Variants in ABCB1 observed in about 807,000 individuals in gnomAD.
The protein encoded by ABCB1 is ATP binding cassette subfamily B member 1, also known as ATP-dependent translocase ABCB1.
Under a neutral mutation model 142.0 loss-of-function variants are expected in ABCB1, and 69 were observed. The observed-to-expected ratio is 0.49, with a 90% CI of 0.40 to 0.59. The LOEUF is 0.59. Ranked by LOEUF, ABCB1 falls within the 20% of genes least tolerant of loss-of-function variation. The probability of loss-of-function intolerance (pLI) is 0.00; values close to 1 mark genes in which losing one functional copy is unlikely to be tolerated. For missense variants in ABCB1, 1,326 were observed against 1,554.7 expected (o/e 0.85, Z 2.47); for synonymous variants, 532 against 539.2 (o/e 0.99, Z 0.18).
At chr7:87,546,493 T>C (rs1307476776) in intron 14 of ABCB1, among the ~76,000 whole-genome samples, 4 of 151,512 alleles carry the variant, frequency 2.6e-5, no homozygotes, top group Non-Finnish European at 5.9e-5. Flanking sequence ...GAGGTGGAGC[T>C]TGCAGTGAGC....
At chr7:87,629,709 C>T (rs2130174486) in intron 1 of ABCB1, among the ~76,000 whole-genome samples, 1 of 151,840 alleles carries the variant, frequency 6.6e-6, no homozygotes, top group African/African-American at 2.4e-5. Flanking sequence ...GGGCGGATCA[C>T]GAGGTCGGAG....
intron 21 of ABCB1, among the ~76,000 whole-genome samples, chr7:87,528,376 A>C (rs935401211): frequency 6.6e-6 from 1 of 152,138 alleles, no homozygotes; most frequent in South Asian, 2.1e-4. Context: ...ACGAGTAACT[A>C]CATATATTTT....
intron 1 of ABCB1, among the ~76,000 whole-genome samples, chr7:87,659,464 C>A (rs1192675405): frequency 6.6e-6 from 1 of 151,872 alleles, no homozygotes; most frequent in East Asian, 1.9e-4. Context: ...AAAATCTTAC[C>A]TTTCTTTATG....
At position 87,515,327 on chromosome 7, in the gene ABCB1, C is replaced by A. The variant is rs1432613672; in HGVS notation, c.3186G>T (p.Lys1062Asn). 1 of 1,614,200 alleles carries A rather than the reference C, an allele frequency of 6.2e-7. No homozygotes were observed. Among genetic ancestry groups the A allele is most frequent in the Admixed American group, 1.7e-5 (1 of 60,034 alleles). The change falls in exon 25 of 28, where the codon AAG becomes AAT. Residue 1062 changes from lysine (K) to asparagine (N), a missense_variant. Lys to Asn is a moderately conservative substitution (Grantham distance 94, BLOSUM62 0). Transcript: ENST00000622132. ...VLQGLSLEVKKGQTLALVGSS... is the reference protein window; with the variant it reads ...VLQGLSLEVKNGQTLALVGSS... ...TGCCCACCAGAGCCAGCGTCTGGCC[C>A]TTCTTCACCTCCAGGCTCAGTCCCT...
intron 7 of ABCB1, among the ~76,000 whole-genome samples, chr7:87,563,081 G>A (rs777826746): frequency 4.5e-4 from 69 of 152,224 alleles, no homozygotes; most frequent in Middle Eastern, 3.4e-3. Flanking sequence ...ATAAATTACT[G>A]AACACATACA....
intron 1 of ABCB1, among the ~76,000 whole-genome samples, chr7:87,634,219 T>C (rs1251987175): frequency 6.6e-6 from 1 of 152,128 alleles, no homozygotes; most frequent in Non-Finnish European, 1.5e-5. Flanking sequence ...AAATACTTCC[T>C]GCTAGGCCCC....
chr7:87,684,453 G>C (rs1264148170), intron 1 of ABCB1, among the ~76,000 whole-genome samples: 1 of 152,136 alleles, frequency 6.6e-6, no homozygotes, highest in Admixed American at 6.5e-5. Flanking sequence ...AGTAATCAGT[G>C]TGTTATTGGT....
intron 4 of ABCB1, among the ~76,000 whole-genome samples, chr7:87,576,818 G>T (rs1563060044): frequency 1.3e-5 from 2 of 151,886 alleles, no homozygotes; most frequent in South Asian, 4.2e-4. Flanking sequence ...GGGTGTATGA[G>T]ATATTTTGAC....
At position 87,541,456 on chromosome 7, in the gene ABCB1, T is replaced by C; in HGVS notation, c.2220A>G (p.Thr740=). ...IIFSKIIGVF[T]RIDDPETKRQ... ...GTTTTGTTTCAGGATCATCAATTCT[T>C]GTAAAAACCTGTGAGAAAACATTTA... The change falls in exon 18 of 28, where the codon ACA becomes ACG. Residue 740 remains threonine, a synonymous_variant. Coordinates refer to ENST00000622132, the MANE Select transcript of ABCB1 (RefSeq NM_001348946.2). 3 of 1,596,636 alleles carry C rather than the reference T, an allele frequency of 1.9e-6. No homozygotes were observed. Among genetic ancestry groups the C allele is most frequent in the Non-Finnish European group, 2.6e-6 (3 of 1,164,070 alleles).
chr7:87,509,514 AC>A lies in ABCB1; in HGVS notation c.3283-34del, dbSNP rs749468893. 6 of 1,599,664 alleles carry A rather than the reference AC, an allele frequency of 3.8e-6. No individual in the cohort carries two copies. The South Asian group carries it at 6.6e-5, about 18-fold the overall frequency. ...CAAGAGTTCACAGATCAACTTCAGG[AC>A]CAGCACACTTTGAATGTAGCACAAT... On this transcript the variant is annotated intron_variant, in intron 25 of 27. Transcript: ENST00000622132.
At chr7:87,670,048 T>G (rs1311532054) in intron 1 of ABCB1, among the ~76,000 whole-genome samples, 1 of 152,200 alleles carries the variant, frequency 6.6e-6, no homozygotes, top group Non-Finnish European at 1.5e-5. Context: ...TCATGGACAA[T>G]TTCCTGAAAT....
chr7:87,536,434 C>CCCT, intron 20 of ABCB1, 24 bp downstream of exon 20: 205 of 1,612,670 alleles, frequency 1.3e-4, no homozygotes, highest in Non-Finnish European at 1.6e-4. Context: ...TTAAGACAAA[C>CCCT]ACCAGTAGAA....
chr7:87,704,235 A>G (rs2130714563), intron 1 of ABCB1, among the ~76,000 whole-genome samples: 1 of 151,618 alleles, frequency 6.6e-6, no homozygotes, highest in East Asian at 1.9e-4. Flanking sequence ...TTTTCCTTTT[A>G]TGTTTTCTTT....
chr7:87,629,108 G>GT (rs1820931373), intron 1 of ABCB1: 1 of 595,840 alleles, frequency 1.7e-6, no homozygotes, highest in African/African-American at 1.9e-5. Flanking sequence ...TTGGACAGGG[G>GT]CCCGGGTCTG....
intron 1 of ABCB1, among the ~76,000 whole-genome samples, chr7:87,699,415 C>A (rs1472180819): frequency 2.7e-5 from 4 of 150,770 alleles, no homozygotes; most frequent in Non-Finnish European, 4.4e-5. Context: ...GTATAGAATT[C>A]TTTTTTTTTA....
intron 1 of ABCB1, among the ~76,000 whole-genome samples, chr7:87,693,101 AGGAAATGTTATTTTTT>A (rs749865729): frequency 1.7e-4 from 26 of 152,326 alleles, no homozygotes; most frequent in Middle Eastern, 6.8e-3. Flanking sequence ...CTATGAGAGA[AGGAAATGTTATTTTTT>A]GGGAATGTTA....
chr7:87,657,391 C>G (rs527440466), intron 1 of ABCB1, among the ~76,000 whole-genome samples: 6 of 152,280 alleles, frequency 3.9e-5, no homozygotes, highest in Non-Finnish European at 8.8e-5. Context: ...CGTATCTGCT[C>G]TACTTTAAAC....
At chr7:87,588,552 T>A (rs868336094) in intron 3 of ABCB1, among the ~76,000 whole-genome samples, 1 of 152,246 alleles carries the variant, frequency 6.6e-6, no homozygotes, top group African/African-American at 2.4e-5. Flanking sequence ...ATGCTCTATG[T>A]GTACCACATT....
intron 1 of ABCB1, chr7:87,628,913 G>T (rs758311208): frequency 7.6e-7 from 1 of 1,309,210 alleles, no homozygotes; most frequent in Non-Finnish European, 9.8e-7. Context: ...GCAATGCTGC[G>T]GTGGAGAGGA....
Sources: gnomAD v4.1 joint callset for allele counts (sites outside exome capture counted in the v4.1 genomes callset) on GRCh38, gnomAD v4.1.1 for gene constraint, MANE v1.5 for transcripts, NCBI Gene and HGNC (gene_info 2026-07-23, HGNC 2026-07-21) for gene names.